The following CELSR1 variants were observed in gnomAD, a reference collection of about 807,000 sequenced individuals.
The protein encoded by CELSR1 is adhesion G protein-coupled receptor C1.
A neutral mutation model predicts 249.1 loss-of-function variants in CELSR1; 110 were observed. The ratio of observed to expected loss-of-function variants is 0.44; its 90% CI spans 0.38 to 0.52. CELSR1 has a LOEUF of 0.52. Among genes scored for constraint, CELSR1 ranks in the 20% least tolerant of loss-of-function variants. CELSR1 has a pLI of 0.00. For missense variants in CELSR1, 4,109 were observed against 4,296.4 expected (o/e 0.96, Z 1.22); for synonymous variants, 2,113 against 1,900.0 (o/e 1.11, Z -2.92).
chr22:46,509,999 G>A lies in CELSR1; in HGVS notation c.3544+23628C>T, dbSNP rs188873453. ...CATGCCACATCTGGCCACAGGGCTG[G>A]AGGCCATGCAGGAAGGACAGCCCAT... On this transcript the variant is annotated intron_variant, in intron 1 of 34. Coordinates refer to ENST00000674500, the MANE Select transcript of CELSR1 (RefSeq NM_001378328.1). Among the ~76,000 whole-genome samples, 10 of 152,310 alleles carry A rather than the reference G, an allele frequency of 6.6e-5. No homozygotes were observed. The East Asian group carries it at 1.9e-3, about 29-fold the overall frequency.
chr22:46,455,131 C>T lies in CELSR1; in HGVS notation c.4183+8576G>A, dbSNP rs1169381959. On this transcript the variant is annotated intron_variant, in intron 2 of 34. Transcript: ENST00000674500. ...TGGGGCTACCAGAAACTGGACGAGG[C>T]CAGGAGAGGCCCTCTCCTAAAGCCT... 2.0e-5 allele frequency among the ~76,000 whole-genome samples: 3 copies of T among 152,200 alleles called. No individual in the cohort carries two copies. In the South Asian group the frequency reaches 6.2e-4, roughly 32 times the overall value.
intron 27 of CELSR1, among the ~76,000 whole-genome samples, chr22:46,368,479 C>T (rs1364576746): frequency 5.9e-5 from 9 of 151,894 alleles, no homozygotes; most frequent in South Asian, 2.1e-4. Flanking sequence ...CCTTCAGACT[C>T]GGCTCTCTCC....
rs2079847680 is a variant in CELSR1 at position 46,448,622 on chromosome 22, C to T, written c.4184-9211G>A. The T allele has an allele frequency of 4.9e-6, 2 of 412,062 alleles. No individual in the cohort carries two copies. The highest frequency in any genetic ancestry group is 3.0e-5 in the Admixed American group (1 of 33,152). 25.5% of individuals were successfully genotyped at this position (412,062 alleles called of 1,614,324 possible). ...ATTTCCAAAGGCCACAATGGTAAAA[C>T]TCAAGCACTTGATGAAGGCTTAGTT... On this transcript the variant is annotated intron_variant, in intron 2 of 34. Coordinates refer to ENST00000674500, the MANE Select transcript of CELSR1 (RefSeq NM_001378328.1). The surrounding 1 kb of genome is among the most constrained non-coding windows in gnomAD (Gnocchi z 5.7).
At chr22:46,385,238 G>A (rs1368904873) in intron 19 of CELSR1, among the ~76,000 whole-genome samples, 2 of 152,198 alleles carry the variant, frequency 1.3e-5, no homozygotes, top group African/African-American at 2.4e-5. Flanking sequence ...GAATACAGGA[G>A]CATGCTACCA....
In CELSR1 at chr22:46,406,261, T is replaced by G. The variant is rs543222898; in HGVS notation, c.5226+2735A>C. On this transcript the variant is annotated intron_variant, in intron 9 of 34. Coordinates refer to ENST00000674500, the MANE Select transcript of CELSR1 (RefSeq NM_001378328.1). The surrounding 1 kb of genome is among the most constrained non-coding windows in gnomAD (Gnocchi z 5.4). ...CAGGCAGCACCGCACTTGCCAAGTT[T>G]TGGCCTGGAGCAAGCTTCTGGGGCT... 2.1e-3 allele frequency among the ~76,000 whole-genome samples: 313 copies of G among 152,340 alleles called. 3 individuals carry two copies. The highest frequency in any genetic ancestry group is 7.2e-3 in the African/African-American group (299 of 41,578).
Position 46,366,407 on chromosome 22 carries a change from G to A in CELSR1, c.8279C>T (p.Ala2760Val), listed in dbSNP as rs4541339. The A allele has an allele frequency of 6.5e-7, 1 of 1,549,760 alleles. No homozygotes were observed. The highest frequency in any genetic ancestry group is 8.7e-7 in the Non-Finnish European group (1 of 1,146,464). The change falls in exon 30 of 35, where the codon GCC becomes GTC. Residue 2760 changes from alanine (A) to valine (V), a missense_variant. By Grantham distance (64) the Ala-to-Val change is moderately conservative. This residue lies in a region of CELSR1 where 1,805 missense variants were observed against 1,831.6 expected (regional missense o/e 0.99). Transcript: ENST00000674500. Reference protein sequence around the residue: ...MLRTDLGESTASLDSIVRDEG... With the variant: ...MLRTDLGESTVSLDSIVRDEG... ...TGACCTGACGATGCTGTCCAGCGAGGCGGTGGACTCGCCCAAGTCTGTGCG... is the reference window on the plus strand; with the variant it reads ...TGACCTGACGATGCTGTCCAGCGAGACGGTGGACTCGCCCAAGTCTGTGCG...
In CELSR1 at chr22:46,430,427, G is replaced by A. The variant is rs537390915; in HGVS notation, c.4611+2966C>T. Among the ~76,000 whole-genome samples the A allele has an allele frequency of 1.3e-5, 2 of 152,202 alleles. No homozygotes were observed. Among genetic ancestry groups the A allele is most frequent in the South Asian group, 4.1e-4 (2 of 4,828 alleles). The stretch of plus-strand genomic sequence containing the variant: ...TGCATCAGCCAAGGCAGGCAGGGAC[G>A]CGTGTGCAGGGGGGTTCCCTCGGCA... On this transcript the variant is annotated intron_variant, in intron 5 of 34. Transcript: ENST00000674500. The surrounding 1 kb of genome is among the most constrained non-coding windows in gnomAD (Gnocchi z 4.6).
At chr22:46,372,233 C>A (rs1365726262) in intron 25 of CELSR1, among the ~76,000 whole-genome samples, 1 of 148,530 alleles carries the variant, frequency 6.7e-6, no homozygotes, top group Non-Finnish European at 1.5e-5. Flanking sequence ...CCCATCCATG[C>A]ATCCACTCAC....
chr22:46,421,786 A>AC (rs1200522792), intron 5 of CELSR1, among the ~76,000 whole-genome samples: 2 of 152,270 alleles, frequency 1.3e-5, no homozygotes, highest in Non-Finnish European at 2.9e-5. Context: ...GCACGTGCAG[A>AC]CTGCCTTAGC....
At chr22:46,379,666 G>A (rs2078955639) in intron 22 of CELSR1, among the ~76,000 whole-genome samples, 1 of 152,236 alleles carries the variant, frequency 6.6e-6, no homozygotes, top group South Asian at 2.1e-4. Flanking sequence ...GAATGAGGCT[G>A]GGCTAACCGG....
intron 25 of CELSR1, among the ~76,000 whole-genome samples, chr22:46,371,022 C>G (rs182439486): frequency 6.6e-6 from 1 of 152,300 alleles, no homozygotes; most frequent in Admixed American, 6.5e-5. Flanking sequence ...CATACGAGCC[C>G]CTTTCTAGGC....
chr22:46,387,945 G>A (rs1350918253), intron 18 of CELSR1, among the ~76,000 whole-genome samples: 1 of 152,196 alleles, frequency 6.6e-6, no homozygotes, highest in African/African-American at 2.4e-5. Flanking sequence ...CCGTGGACAT[G>A]TGGACAGCTC....
rs191513284 is a variant in CELSR1 at position 46,518,125 on chromosome 22, G to A, written c.3544+15502C>T. ...TCTCCATGTTGGTCAGGCTGGTCTC[G>A]AACTCGTGACCTCAGGTGATGTGAT... On this transcript the variant is annotated intron_variant, in intron 1 of 34. Transcript: ENST00000674500. The surrounding 1 kb of genome is among the most constrained non-coding windows in gnomAD (Gnocchi z 5.2). 2.8e-3 allele frequency among the ~76,000 whole-genome samples: 429 copies of A among 152,190 alleles called. 4 individuals carry two copies. Among genetic ancestry groups the A allele is most frequent in the African/African-American group, 9.5e-3 (394 of 41,506 alleles).
Position 46,536,924 on chromosome 22 carries a change from C to G in CELSR1, c.247G>C (p.Gly83Arg). Residue 83 changes from glycine (G) to arginine (R), a missense_variant, in exon 1 of 35, where the codon GGG becomes CGG. Around this residue, in one of 7 missense-constraint regions of CELSR1, gnomAD observed 673 missense variants for 636.8 expected, o/e 1.06. Coordinates refer to ENST00000674500, the MANE Select transcript of CELSR1 (RefSeq NM_001378328.1). ...LAGRRRVSGA[G>R]RPLPLQVRLV... ...CGGACTTGCAGCGGCAGCGGGCGCC[C>G]CGCGCCCGAGACGCGCCGACGTCCT... 1 of 1,174,054 alleles carries G rather than the reference C, an allele frequency of 8.5e-7. No homozygotes were observed. The highest frequency in any genetic ancestry group is 3.5e-4 in the Middle Eastern group (1 of 2,852). 72.7% of individuals were successfully genotyped at this position (1,174,054 alleles called of 1,614,324 possible). A position where few individuals can be genotyped will look rare whatever the true frequency, so the allele number is the denominator to read the frequency against.
At chr22:46,366,214 GGAGGGAAGGTGCGGGGCA>G (rs1311233869) in intron 30 of CELSR1, among the ~76,000 whole-genome samples, 154 bp downstream of exon 30, 21 of 88,094 alleles carry the variant, frequency 2.4e-4, no homozygotes, top group South Asian at 7.0e-4. Flanking sequence ...TGCGAGGCGG[GGAGGGAAGGTGCGGGGCA>G]GGGAGGGAAG....
Position 46,536,711 on chromosome 22 carries a change from G to C in CELSR1, c.460C>G (p.Pro154Ala). 8.6e-7 allele frequency: 1 copy of C among 1,164,848 alleles called. No homozygotes were observed. The highest frequency in any genetic ancestry group is 1.1e-6 in the Non-Finnish European group (1 of 947,152). The allele number at this position is 1,164,848 out of a possible 1,614,324, so 72.2% of individuals were successfully genotyped here. A position where few individuals can be genotyped will look rare whatever the true frequency, so the allele number is the denominator to read the frequency against. The change falls in exon 1 of 35, where the codon CCC becomes GCC. Residue 154 changes from proline (P) to alanine (A), a missense_variant. Pro to Ala is a conservative substitution (Grantham distance 27). Around this residue, in one of 7 missense-constraint regions of CELSR1, gnomAD observed 673 missense variants for 636.8 expected, o/e 1.06. Coordinates refer to ENST00000674500, the MANE Select transcript of CELSR1 (RefSeq NM_001378328.1). ...HSALAAPTTL[P>A]ACRCPPRPRP... ...GGGCGCGGCGGGCAGCGGCAGGCGGGTAAGGTGGTCGGAGCTGCGAGCGCC... is the reference window on the plus strand; with the variant it reads ...GGGCGCGGCGGGCAGCGGCAGGCGGCTAAGGTGGTCGGAGCTGCGAGCGCC...
rs111932498 is a variant in CELSR1 at position 46,363,411 on chromosome 22, G to A, written c.9036-164C>T. ...GCTCATGTTGGATGAGGCTGCCCTTGGGAGGCAGGAGAGGGGACCAGGACC... is the reference window on the plus strand; with the variant it reads ...GCTCATGTTGGATGAGGCTGCCCTTAGGAGGCAGGAGAGGGGACCAGGACC... On this transcript the variant is annotated intron_variant, in intron 34 of 34. Transcript: ENST00000674500. The surrounding 1 kb of genome is among the most constrained non-coding windows in gnomAD (Gnocchi z 4.3). The A allele has an allele frequency of 3.8e-4, 229 of 603,482 alleles. No homozygotes were observed. The highest frequency in any genetic ancestry group is 2.2e-3 in the African/African-American group (117 of 53,942). 37.4% of individuals were successfully genotyped at this position (603,482 alleles called of 1,614,324 possible).
chr22:46,435,294 T>TG (rs1307995874), intron 4 of CELSR1, among the ~76,000 whole-genome samples: 1 of 147,332 alleles, frequency 6.8e-6, no homozygotes, highest in Non-Finnish European at 1.5e-5. Context: ...TTTTTTTTTT[T>TG]TTTTTGAGAT....
chr22:46,376,417 C>T (rs556622603), intron 24 of CELSR1, among the ~76,000 whole-genome samples: 1 of 152,308 alleles, frequency 6.6e-6, no homozygotes, highest in Non-Finnish European at 1.5e-5. Context: ...CTCTATTGCC[C>T]AGGCTGGAGT....
Sources: gnomAD v4.1 joint callset for allele counts (sites outside exome capture counted in the v4.1 genomes callset) on GRCh38, gnomAD v4.1.1 for gene constraint, gnomAD v4.1.1 regional missense constraint, Gnocchi (gnomAD v3.1) non-coding constraint, MANE v1.5 for transcripts, NCBI Gene and HGNC (gene_info 2026-07-23, HGNC 2026-07-21) for gene names.